The following ANKIB1 variants were observed in gnomAD, a reference collection of about 807,000 sequenced individuals.
The protein encoded by ANKIB1 is ankyrin repeat and IBR domain containing 1.
ANKIB1 carries 43 observed loss-of-function variants against 122.1 expected under a neutral mutation model. The observed-to-expected ratio is 0.35, with a 90% CI of 0.28 to 0.45. ANKIB1 has a LOEUF of 0.45. ANKIB1 is among the 20% of genes least tolerant of loss of function. ANKIB1 has a pLI of 1.00. For synonymous variants in ANKIB1, 390 were observed against 442.0 expected, an observed-to-expected ratio of 0.88 and a Z score of 1.48; for missense variants, 992 against 1,329.5, an observed-to-expected ratio of 0.75 and a Z score of 3.95.
At position 92,319,315 on chromosome 7, in the gene ANKIB1, A is replaced by G; in HGVS notation, c.487-15A>G. 6.5e-7 allele frequency: 1 copy of G among 1,546,366 alleles called. No homozygotes were observed. Among genetic ancestry groups the G allele is most frequent in the South Asian group, 1.2e-5 (1 of 80,934 alleles). On this transcript the variant is annotated splice_polypyrimidine_tract_variant and intron_variant, in intron 3 of 19. Transcript: ENST00000265742. ...GAACCTGTAGTTGCAAGTTTTTGAA[A>G]AAAAACTTTTTTAGCTTTTAGTAAA... is the stretch of plus-strand genomic sequence containing the variant.
At chr7:92,352,188 T>C (rs1023910927) in intron 8 of ANKIB1, among the ~76,000 whole-genome samples, 1 of 152,262 alleles carries the variant, frequency 6.6e-6, no homozygotes, top group African/African-American at 2.4e-5. Flanking sequence ...ATATTTTCTG[T>C]GCAAACAATT....
chr7:92,398,623 C>T lies in ANKIB1; in HGVS notation c.2944C>T (p.Pro982Ser). 1 of 1,613,908 alleles carries T rather than the reference C, an allele frequency of 6.2e-7. No individual in the cohort carries two copies. ...CATGGCTTGGTTTCATGACATGAAC[C>T]CTCAGAGTATTGCCCTGATTCCTCC... is the stretch of plus-strand genomic sequence containing the variant. ...NIMAWFHDMN[P>S]QSIALIPPAT... Residue 982 changes from proline (P) to serine (S), a missense_variant, in exon 20 of 20, where the codon CCT (proline) becomes TCT (serine). By Grantham distance (74) the Pro-to-Ser change is moderately conservative. Transcript: ENST00000265742.
chr7:92,375,460 A>G (rs1169023337), intron 11 of ANKIB1, among the ~76,000 whole-genome samples: 1 of 152,212 alleles, frequency 6.6e-6, no homozygotes, highest in Non-Finnish European at 1.5e-5. Context: ...CAGAGTCTTT[A>G]CCAGGAGCCT....
chr7:92,353,397 A>G (rs150573890), intron 9 of ANKIB1, among the ~76,000 whole-genome samples: 1 of 152,336 alleles, frequency 6.6e-6, no homozygotes, highest in African/African-American at 2.4e-5. Flanking sequence ...GTCAGCCATC[A>G]GCACTCTACT....
chr7:92,360,399 ATAT>A (rs1384754900), intron 9 of ANKIB1, among the ~76,000 whole-genome samples: 6 of 152,156 alleles, frequency 3.9e-5, no homozygotes, highest in African/African-American at 1.4e-4. Context: ...ATGTATCCAA[ATAT>A]TATTCCTTCT....
chr7:92,342,875 C>T, intron 5 of ANKIB1, 149 bp from the exon 6 acceptor site: 3 of 653,420 alleles, frequency 4.6e-6, no homozygotes, highest in Non-Finnish European at 8.0e-6. Flanking sequence ...CAAGAACATA[C>T]CTAGACATTC....
chr7:92,363,186 G>A (rs908951793), intron 10 of ANKIB1, among the ~76,000 whole-genome samples: 1 of 152,152 alleles, frequency 6.6e-6, no homozygotes, highest in African/African-American at 2.4e-5. Context: ...TGAGAGGCAG[G>A]CGGATCATGA....
In ANKIB1 at chr7:92,391,158, T is replaced by C. The variant is rs557296250; in HGVS notation, c.2053-8T>C. The C allele has an allele frequency of 1.3e-6, 2 of 1,582,402 alleles. No homozygotes were observed. The highest frequency in any genetic ancestry group is 1.4e-5 in the African/African-American group (1 of 73,706). On this transcript the variant is annotated splice_region_variant and splice_polypyrimidine_tract_variant and intron_variant, in intron 15 of 19. Transcript: ENST00000265742. Reference sequence around the variant, plus strand: ...CTGTGATTTTTTTTTTTTCTCTGCTTACTATAGACAGACCTAGAAATGGTC... The same window carrying C: ...CTGTGATTTTTTTTTTTTCTCTGCTCACTATAGACAGACCTAGAAATGGTC...
At chr7:92,366,146 A>G (rs1362878998) in intron 10 of ANKIB1, among the ~76,000 whole-genome samples, 2 of 152,146 alleles carry the variant, frequency 1.3e-5, no homozygotes, top group Non-Finnish European at 2.9e-5. Context: ...AGAAGTAATT[A>G]GTCTAGCATA....
intron 3 of ANKIB1, among the ~76,000 whole-genome samples, chr7:92,313,671 G>T (rs1395714297): frequency 1.3e-5 from 2 of 152,124 alleles, no homozygotes; most frequent in Non-Finnish European, 2.9e-5. Context: ...TAAGTATTTG[G>T]AGGAGGCTAT....
At chr7:92,348,812 C>T (rs1444062431) in intron 7 of ANKIB1, among the ~76,000 whole-genome samples, 2 of 152,084 alleles carry the variant, frequency 1.3e-5, no homozygotes, top group Non-Finnish European at 2.9e-5. Flanking sequence ...AATTCCTGGA[C>T]GCCAAAGAGA....
At chr7:92,389,340 T>G (rs367565647) in intron 14 of ANKIB1, among the ~76,000 whole-genome samples, 2 of 145,226 alleles carry the variant, frequency 1.4e-5, no homozygotes, top group African/African-American at 5.0e-5. Flanking sequence ...TCTGGTTTTG[T>G]TTTTTTTTTG....
At chr7:92,323,188 C>A (rs1455101469) in intron 4 of ANKIB1, among the ~76,000 whole-genome samples, 6 of 152,100 alleles carry the variant, frequency 3.9e-5, no homozygotes, top group Admixed American at 3.9e-4. Flanking sequence ...TTGTCAGATG[C>A]TCTTAAGCTG....
At chr7:92,259,738 C>T (rs1282986804) in intron 1 of ANKIB1, among the ~76,000 whole-genome samples, 1 of 152,058 alleles carries the variant, frequency 6.6e-6, no homozygotes, top group Non-Finnish European at 1.5e-5. Flanking sequence ...GCAGATTTTC[C>T]CTCACATGCC....
chr7:92,285,006 T>C (rs1802088590), intron 1 of ANKIB1, among the ~76,000 whole-genome samples: 1 of 152,168 alleles, frequency 6.6e-6, no homozygotes, highest in Non-Finnish European at 1.5e-5. Flanking sequence ...GAACAACCCG[T>C]GAATGTTTGG....
intron 7 of ANKIB1, among the ~76,000 whole-genome samples, chr7:92,347,250 C>G (rs919032025): frequency 2.6e-5 from 4 of 152,104 alleles, no homozygotes; most frequent in Admixed American, 6.5e-5. Context: ...AACACAAATT[C>G]ATAAACTTTC....
At chr7:92,303,877 A>AG (rs1301905582) in intron 2 of ANKIB1, among the ~76,000 whole-genome samples, 2 of 152,200 alleles carry the variant, frequency 1.3e-5, no homozygotes, top group Non-Finnish European at 2.9e-5. Context: ...TAGAAGAAAT[A>AG]GAGGTAACAG....
intron 1 of ANKIB1, among the ~76,000 whole-genome samples, chr7:92,274,936 A>G (rs1801871079): frequency 6.6e-6 from 1 of 152,156 alleles, no homozygotes; most frequent in African/African-American, 2.4e-5. Context: ...CAAAAAAAAT[A>G]TTTTTCAGTC....
intron 2 of ANKIB1, among the ~76,000 whole-genome samples, chr7:92,301,070 C>T (rs10277246): frequency 1.3e-5 from 2 of 152,110 alleles, no homozygotes; most frequent in African/African-American, 2.4e-5. Context: ...ATATATGCCA[C>T]ATATTCTTTA....
Sources: allele counts gnomAD v4.1 joint callset (sites outside exome capture counted in the v4.1 genomes callset), GRCh38; gene constraint gnomAD v4.1.1; transcripts MANE v1.5; gene names NCBI Gene and HGNC (gene_info 2026-07-23, HGNC 2026-07-21).